PHF10: variants seen among roughly 807,000 people sequenced by gnomAD.
The protein encoded by PHF10 is PHD finger protein 10.
A neutral mutation model predicts 68.5 loss-of-function variants in PHF10; 51 were observed. The ratio of observed to expected loss-of-function variants is 0.74; its 90% CI spans 0.59 to 0.94. The LOEUF is 0.94. PHF10 is among the 40% of genes least tolerant of loss of function. The pLI, the probability that PHF10 is intolerant of heterozygous loss-of-function variation, is 0.00. For missense variants in PHF10, 460 were observed against 602.6 expected, an observed-to-expected ratio of 0.76 and a Z score of 2.48; for synonymous variants, 204 against 203.5, an observed-to-expected ratio of 1.00 and a Z score of -0.02.
chr6:169,715,267 A>G (rs1789019537), intron 6 of PHF10, among the ~76,000 whole-genome samples: 1 of 152,212 alleles, frequency 6.6e-6, no homozygotes, highest in African/African-American at 2.4e-5. Context: ...TATTAACCGT[A>G]AAGCAAAAGA....
intron 7 of PHF10, among the ~76,000 whole-genome samples, chr6:169,713,336 C>T (rs1195596088): frequency 2.6e-5 from 4 of 152,176 alleles, no homozygotes; most frequent in South Asian, 2.1e-4. Flanking sequence ...CAGTGGCTCA[C>T]GCCTATAATC....
At chr6:169,717,188 G>A (rs1297608930) in intron 4 of PHF10, among the ~76,000 whole-genome samples, 5 of 152,164 alleles carry the variant, frequency 3.3e-5, no homozygotes, top group African/African-American at 1.2e-4. Context: ...GATGGAGGTT[G>A]CAGTGAGCTA....
intron 6 of PHF10, 42 bp downstream of exon 6, chr6:169,715,666 A>G (rs1191854961): frequency 6.4e-7 from 1 of 1,554,386 alleles, no homozygotes; most frequent in Non-Finnish European, 8.8e-7. Context: ...AATAACAAGT[A>G]ATAAACTAAG....
intron 7 of PHF10, among the ~76,000 whole-genome samples, chr6:169,714,066 A>G (rs1422966616): frequency 6.6e-6 from 1 of 152,130 alleles, no homozygotes; most frequent in Admixed American, 6.5e-5. Context: ...GGTTGCAGTG[A>G]GCCGAAATCA....
chr6:169,718,655 G>A (rs1789107119), intron 3 of PHF10, 133 bp downstream of exon 3: 1 of 583,558 alleles, frequency 1.7e-6, no homozygotes, highest in African/African-American at 1.9e-5. Context: ...GTTACAGAAT[G>A]AGACCCTTAG....
chr6:169,709,649 T>C (rs1040612227), intron 9 of PHF10: 1 of 152,204 alleles, frequency 6.6e-6, no homozygotes, highest in African/African-American at 2.4e-5. Context: ...ATTCTTGCCA[T>C]AGAATCATAT....
chr6:169,713,975 A>C (rs777102931), intron 7 of PHF10, among the ~76,000 whole-genome samples: 1 of 152,144 alleles, frequency 6.6e-6, no homozygotes, highest in Non-Finnish European at 1.5e-5. Context: ...ACAAATAATT[A>C]GCTGGGCGTG....
rs1222120732 is a variant in PHF10, at chr6:169,724,019, C to T, written c.-88G>A. On this transcript the variant is annotated 5_prime_UTR_variant, in exon 1 of 12. Coordinates refer to ENST00000339209, the MANE Select transcript of PHF10 (RefSeq NM_018288.4). ...CCGCTGCCGCCGCCGCCGCCGCCGCCGCCGCGCGGGCCCCCCGCCGCCCCG... is the reference window on the plus strand; with the variant it reads ...CCGCTGCCGCCGCCGCCGCCGCCGCTGCCGCGCGGGCCCCCCGCCGCCCCG... 1.0e-5 allele frequency: 2 copies of T among 194,870 alleles called. No individual in the cohort carries two copies. The highest frequency in any genetic ancestry group is 1.8e-5 in the Non-Finnish European group (2 of 113,012). The allele number at this position is 194,870 out of a possible 1,614,324, so 12.1% of individuals were successfully genotyped here. A position where few individuals can be genotyped will look rare whatever the true frequency, so the allele number is the denominator to read the frequency against.
At chr6:169,721,902 A>G (rs536028439) in intron 1 of PHF10, among the ~76,000 whole-genome samples, 1 of 152,332 alleles carries the variant, frequency 6.6e-6, no homozygotes, top group Admixed American at 6.5e-5. Flanking sequence ...CTTGCTACAT[A>G]TTAAAATGAA....
intron 1 of PHF10, 143 bp downstream of exon 1, chr6:169,723,702 G>T (rs924224847): frequency 8.1e-6 from 2 of 246,650 alleles, no homozygotes; most frequent in African/African-American, 2.3e-5. Flanking sequence ...CCGCCTCGCC[G>T]ACCACCCCCG....
chr6:169,711,679 A>G (rs968732302), intron 8 of PHF10, among the ~76,000 whole-genome samples: 1 of 152,216 alleles, frequency 6.6e-6, no homozygotes, highest in South Asian at 2.1e-4. Flanking sequence ...ATTTTGCATA[A>G]TATGTATTAT....
chr6:169,722,026 T>G (rs558167685), intron 1 of PHF10, among the ~76,000 whole-genome samples: 131 of 152,344 alleles, frequency 8.6e-4, no homozygotes, highest in Non-Finnish European at 9.8e-4. Context: ...AGTAGGTTAT[T>G]CTCTGTGAGC....
At chr6:169,721,145 G>C (rs1467302751) in intron 1 of PHF10, 34 bp from the exon 2 acceptor site, 12 of 1,177,172 alleles carry the variant, frequency 1.0e-5, no homozygotes, top group African/African-American at 1.5e-5. Flanking sequence ...ATAATAATTA[G>C]AGAAAGAATA....
intron 3 of PHF10, 103 bp downstream of exon 3, chr6:169,718,685 G>T: frequency 1.4e-6 from 1 of 717,092 alleles, no homozygotes; most frequent in Non-Finnish European, 2.2e-6. Flanking sequence ...AAAACAGCAA[G>T]CACAAGAATA....
At chr6:169,704,264 A>C (rs1419974378) in intron 11 of PHF10, 176 bp from the exon 12 acceptor site, 2 of 531,136 alleles carry the variant, frequency 3.8e-6, no homozygotes, top group Non-Finnish European at 6.6e-6. Context: ...TAATCAATGT[A>C]ATCAATGCCA....
Position 169,721,147 on chromosome 6 carries a change from G to GA in PHF10, c.88-37dup, listed in dbSNP as rs906022796. 2.6e-6 allele frequency: 3 copies of GA among 1,169,092 alleles called. No individual in the cohort carries two copies. The African/African-American group carries it at 4.6e-5, about 18-fold the overall frequency. The allele number at this position is 1,169,092 out of a possible 1,614,324, so 72.4% of individuals were successfully genotyped here. On this transcript the variant is annotated intron_variant, in intron 1 of 11. Coordinates refer to ENST00000339209, the MANE Select transcript of PHF10 (RefSeq NM_018288.4). ...AAAAGATTCAAAAATAATAATTAGA[G>GA]AAAGAATAAAAGAACAGTAAGTCTC...
At chr6:169,704,206 G>A (rs1259180048) in intron 11 of PHF10, 118 bp from the exon 12 acceptor site, 2 of 685,066 alleles carry the variant, frequency 2.9e-6, no homozygotes, top group Non-Finnish European at 2.3e-6. Flanking sequence ...GGATTTTGTG[G>A]TGAGAAGGGC....
At chr6:169,722,792 A>G (rs1789211272) in intron 1 of PHF10, among the ~76,000 whole-genome samples, 1 of 152,228 alleles carries the variant, frequency 6.6e-6, no homozygotes. Context: ...GGTGGTTTCC[A>G]ACTACAGATC....
At position 169,703,998 on chromosome 6, in the gene PHF10, C is replaced by T; in HGVS notation, c.*5G>A. ...GCATATACAGTATTAGAGTCAAAAA[C>T]TATTTTATCCCTCTTTGCTGTTTTT... On this transcript the variant is annotated 3_prime_UTR_variant, in exon 12 of 12. Coordinates refer to ENST00000339209, the MANE Select transcript of PHF10 (RefSeq NM_018288.4). The T allele has an allele frequency of 6.3e-7, 1 of 1,595,832 alleles. No individual in the cohort carries two copies. The highest frequency in any genetic ancestry group is 8.5e-7 in the Non-Finnish European group (1 of 1,172,764).
Sources: allele counts gnomAD v4.1 joint callset (sites outside exome capture counted in the v4.1 genomes callset), GRCh38; gene constraint gnomAD v4.1.1; transcripts MANE v1.5; gene names NCBI Gene and HGNC (gene_info 2026-07-23, HGNC 2026-07-21).